GTF2F2: variants seen among roughly 807,000 people sequenced by gnomAD.
GTF2F2 encodes the protein general transcription factor IIF subunit 2, also known as ATP-dependent helicase GTF2F2.
Under a neutral mutation model 42.2 loss-of-function variants are expected in GTF2F2, and 23 were observed. That is an observed-to-expected ratio of 0.55 (90% CI 0.39 to 0.77). The LOEUF (loss-of-function observed/expected upper bound fraction) is 0.77. GTF2F2 is among the 30% of genes least tolerant of loss of function. The pLI, the probability that GTF2F2 is intolerant of heterozygous loss-of-function variation, is 0.00. For synonymous variants in GTF2F2, 105 were observed against 100.8 expected (o/e 1.04, Z -0.25); for missense variants, 261 against 287.2 (o/e 0.91, Z 0.66).
At chr13:45,194,628 C>T (rs1356788107) in intron 4 of GTF2F2, 3 of 1,429,718 alleles carry the variant, frequency 2.1e-6, no homozygotes, top group African/African-American at 2.8e-5. Flanking sequence ...AAAAGAGACA[C>T]TACCACACAA....
At chr13:45,164,636 A>G (rs543340964) in intron 4 of GTF2F2, among the ~76,000 whole-genome samples, 2 of 151,208 alleles carry the variant, frequency 1.3e-5, no homozygotes, top group African/African-American at 4.8e-5. Context: ...AGGTGGGAGG[A>G]TCACCTGTGC....
At chr13:45,281,499 G>A (rs1359351673) in intron 7 of GTF2F2, among the ~76,000 whole-genome samples, 2 of 152,230 alleles carry the variant, frequency 1.3e-5, no homozygotes, top group African/African-American at 4.8e-5. Flanking sequence ...AGGACTCAAA[G>A]ATCCTAGAGT....
intron 5 of GTF2F2, among the ~76,000 whole-genome samples, chr13:45,246,261 T>TCACC (rs1875605202): frequency 6.6e-6 from 1 of 151,960 alleles, no homozygotes; most frequent in African/African-American, 2.4e-5. Flanking sequence ...TCCGCCCTCC[T>TCACC]TGGCCTTCCA....
intron 4 of GTF2F2, among the ~76,000 whole-genome samples, chr13:45,174,611 C>A (rs368334992): frequency 7.1e-6 from 1 of 140,770 alleles, no homozygotes; most frequent in East Asian, 2.0e-4. Context: ...ATGAGTTTTT[C>A]ATGGAGCACT....
intron 5 of GTF2F2, among the ~76,000 whole-genome samples, chr13:45,210,805 A>G (rs1463391739): frequency 3.9e-5 from 6 of 152,232 alleles, no homozygotes; most frequent in African/African-American, 1.4e-4. Flanking sequence ...TTAAGGAGAT[A>G]TGGAAAAATT....
intron 5 of GTF2F2, among the ~76,000 whole-genome samples, chr13:45,225,844 C>A (rs569127934): frequency 6.6e-6 from 1 of 152,116 alleles, no homozygotes; most frequent in East Asian, 1.9e-4. Context: ...GACAGTGGTG[C>A]CTGTTGTACT....
intron 7 of GTF2F2, among the ~76,000 whole-genome samples, chr13:45,278,029 GATTT>G (rs1165245455): frequency 6.6e-6 from 1 of 152,130 alleles, no homozygotes; most frequent in African/African-American, 2.4e-5. Flanking sequence ...AGATATAATT[GATTT>G]ATTATTATGC....
intron 6 of GTF2F2, among the ~76,000 whole-genome samples, chr13:45,253,363 A>G (rs1159117908): frequency 6.6e-6 from 1 of 152,194 alleles, no homozygotes; most frequent in Non-Finnish European, 1.5e-5. Flanking sequence ...AAAGTTTTTA[A>G]TGTGTTAAAA....
chr13:45,250,998 A>T (rs1373689618), intron 5 of GTF2F2, among the ~76,000 whole-genome samples: 1 of 152,236 alleles, frequency 6.6e-6, no homozygotes, highest in African/African-American at 2.4e-5. Context: ...AAAGTAAATC[A>T]TCTTGTGTAT....
chr13:45,257,837 A>G (rs1876167542), intron 6 of GTF2F2, among the ~76,000 whole-genome samples: 1 of 152,204 alleles, frequency 6.6e-6, no homozygotes, highest in African/African-American at 2.4e-5. Flanking sequence ...GAAATGGGAC[A>G]GGACAGAGGG....
At chr13:45,135,465 G>C (rs1252184657) in intron 1 of GTF2F2, among the ~76,000 whole-genome samples, 1 of 151,230 alleles carries the variant, frequency 6.6e-6, no homozygotes, top group East Asian at 2.0e-4. Flanking sequence ...TCACCATGTT[G>C]GTCAGGCTGG....
chr13:45,203,889 G>A (rs1873313445), intron 4 of GTF2F2, among the ~76,000 whole-genome samples: 1 of 152,046 alleles, frequency 6.6e-6, no homozygotes, highest in African/African-American at 2.4e-5. Flanking sequence ...CTTATCCTAC[G>A]AGACCAGCAG....
intron 5 of GTF2F2, among the ~76,000 whole-genome samples, chr13:45,219,999 T>C (rs747011815): frequency 5.3e-5 from 8 of 152,218 alleles, no homozygotes; most frequent in Non-Finnish European, 1.0e-4. Flanking sequence ...ATGAGCAGTA[T>C]TCCCAGTAGA....
At chr13:45,172,281 G>T (rs1871636078) in intron 4 of GTF2F2, among the ~76,000 whole-genome samples, 2 of 152,130 alleles carry the variant, frequency 1.3e-5, no homozygotes. Context: ...GTATTTCTCT[G>T]ATAGCTGATG....
intron 2 of GTF2F2, among the ~76,000 whole-genome samples, chr13:45,142,691 T>G (rs901573235): frequency 2.6e-5 from 4 of 152,224 alleles, no homozygotes; most frequent in African/African-American, 9.6e-5. Flanking sequence ...ATGAAAATGC[T>G]TGAAAACAGC....
intron 5 of GTF2F2, among the ~76,000 whole-genome samples, chr13:45,228,844 AT>A (rs1258068284): frequency 1.3e-5 from 2 of 151,604 alleles, no homozygotes; most frequent in Non-Finnish European, 2.9e-5. Context: ...CTAATTTTGT[AT>A]TTTTAGTAGA....
intron 5 of GTF2F2, among the ~76,000 whole-genome samples, chr13:45,219,987 C>CA (rs1216812957): frequency 6.6e-6 from 1 of 152,074 alleles, no homozygotes; most frequent in Non-Finnish European, 1.5e-5. Context: ...CAAAATATGC[C>CA]AATGAGCAGT....
intron 2 of GTF2F2, among the ~76,000 whole-genome samples, chr13:45,144,066 A>G (rs1870064379): frequency 6.6e-6 from 1 of 152,018 alleles, no homozygotes; most frequent in Non-Finnish European, 1.5e-5. Context: ...AGCCTGGCCA[A>G]CGTGGTGAAA....
At chr13:45,243,684 G>A (rs1438808595) in intron 5 of GTF2F2, among the ~76,000 whole-genome samples, 3 of 151,898 alleles carry the variant, frequency 2.0e-5, no homozygotes, top group African/African-American at 2.4e-5. Flanking sequence ...TTTTTGAGAC[G>A]GAGTCTCGCT....
Sources: allele counts gnomAD v4.1 joint callset (sites outside exome capture counted in the v4.1 genomes callset), GRCh38; gene constraint gnomAD v4.1.1; transcripts MANE v1.5; gene names NCBI Gene and HGNC (gene_info 2026-07-23, HGNC 2026-07-21).